The following CNTN1 variants were observed in gnomAD, a reference collection of about 807,000 sequenced individuals.
The protein encoded by CNTN1 is contactin-1.
In CNTN1, 38 loss-of-function variants were observed where a neutral mutation model predicts 126.4. That is an observed-to-expected ratio of 0.30 (90% confidence interval 0.23 to 0.39). CNTN1 has a LOEUF of 0.39. Ranked by LOEUF, CNTN1 falls within the 10% of genes least tolerant of loss-of-function variation. CNTN1 has a pLI of 1.00. For synonymous variants in CNTN1, 413 were observed against 422.6 expected, an observed-to-expected ratio of 0.98 and a Z score of 0.28; for missense variants, 1,009 against 1,248.4, an observed-to-expected ratio of 0.81 and a Z score of 2.89.
intron 1 of CNTN1, among the ~76,000 whole-genome samples, chr12:40,796,291 C>T (rs1940425670): frequency 6.6e-6 from 1 of 152,000 alleles, no homozygotes; most frequent in Non-Finnish European, 1.5e-5. Context: ...ATTTCAAAAC[C>T]TCCATTAACC....
intron 15 of CNTN1, among the ~76,000 whole-genome samples, chr12:40,977,790 T>TA (rs1947719752): frequency 6.6e-6 from 1 of 150,576 alleles, no homozygotes; most frequent in Non-Finnish European, 1.5e-5. Context: ...TGTTTTGTTT[T>TA]GTTTTGTTTT....
chr12:40,805,702 G>T (rs1213252521), intron 1 of CNTN1, among the ~76,000 whole-genome samples: 2 of 151,834 alleles, frequency 1.3e-5, no homozygotes, highest in African/African-American at 2.4e-5. Context: ...AAAATAGTTT[G>T]CTGTGTGTGT....
chr12:41,037,616 T>C (rs1263920988), intron 23 of CNTN1, among the ~76,000 whole-genome samples: 1 of 151,542 alleles, frequency 6.6e-6, no homozygotes, highest in Non-Finnish European at 1.5e-5. Context: ...TATATGAAGT[T>C]TAAAATTAGA....
chr12:40,962,736 T>C (rs1321520491), intron 15 of CNTN1, among the ~76,000 whole-genome samples: 2 of 152,146 alleles, frequency 1.3e-5, no homozygotes, highest in African/African-American at 4.8e-5. Context: ...GGTCCAAAGA[T>C]GCTTGAGGAA....
chr12:40,725,563 G>T (rs1942331986), intron 1 of CNTN1, among the ~76,000 whole-genome samples: 1 of 152,042 alleles, frequency 6.6e-6, no homozygotes, highest in Non-Finnish European at 1.5e-5. Flanking sequence ...GGACCTGGGA[G>T]CCATCCCTTT....
intron 1 of CNTN1, among the ~76,000 whole-genome samples, chr12:40,821,258 C>G (rs1050079725): frequency 4.6e-5 from 7 of 152,162 alleles, no homozygotes; most frequent in Admixed American, 3.9e-4. Context: ...TCCAGAGAGA[C>G]AGATTGGCAG....
intron 23 of CNTN1, among the ~76,000 whole-genome samples, chr12:41,039,555 TC>T (rs1415718123): frequency 1.3e-5 from 2 of 152,086 alleles, no homozygotes; most frequent in Non-Finnish European, 2.9e-5. Flanking sequence ...CAAGCTGAGT[TC>T]AATATGCTAG....
intron 14 of CNTN1, among the ~76,000 whole-genome samples, chr12:40,948,995 C>T (rs940741978): frequency 1.3e-5 from 2 of 152,120 alleles, no homozygotes; most frequent in Non-Finnish European, 2.9e-5. Context: ...TAAGCAATAC[C>T]ATTCAAGAGA....
intron 1 of CNTN1, among the ~76,000 whole-genome samples, chr12:40,707,227 CTTTTTTTTTTTTTTTTTTTTTTTT>C (rs370984371): frequency 1.8e-5 from 2 of 109,166 alleles, no homozygotes; most frequent in Admixed American, 9.8e-5. Flanking sequence ...TTTTCTTTTT[CTTTTTTTTTTTTTTTTTTTTTTTT>C]TTTTTTTTTT....
chr12:40,836,102 G>A (rs181736697), intron 1 of CNTN1, among the ~76,000 whole-genome samples: 82 of 145,874 alleles, frequency 5.6e-4, no homozygotes, highest in Admixed American at 4.4e-3. Context: ...ATATATATAC[G>A]TACATATACA....
intron 1 of CNTN1, among the ~76,000 whole-genome samples, chr12:40,771,439 ATGT>A (rs768811701): frequency 6.0e-4 from 92 of 152,120 alleles, no homozygotes; most frequent in South Asian, 1.7e-3. Context: ...TTCTTTTATA[ATGT>A]TGTTCTTGCA....
At chr12:41,052,734 A>G (rs552209767) in intron 23 of CNTN1, among the ~76,000 whole-genome samples, 9 of 152,228 alleles carry the variant, frequency 5.9e-5, no homozygotes, top group Non-Finnish European at 1.3e-4. Context: ...AGTTCTCTAG[A>G]TAAATACTGT....
At chr12:40,925,370 T>C (rs550215358) in intron 6 of CNTN1, among the ~76,000 whole-genome samples, 1 of 151,704 alleles carries the variant, frequency 6.6e-6, no homozygotes, top group Admixed American at 6.6e-5. Context: ...ATATTATGCC[T>C]TAAATTTGAC....
At chr12:40,835,432 A>G (rs566316825) in intron 1 of CNTN1, among the ~76,000 whole-genome samples, 3 of 152,292 alleles carry the variant, frequency 2.0e-5, no homozygotes, top group African/African-American at 4.8e-5. Context: ...AGATACTTCA[A>G]TTTGCCACAT....
chr12:41,035,761 G>GTCAAGGACC (rs1451228114), intron 23 of CNTN1, among the ~76,000 whole-genome samples: 1 of 152,120 alleles, frequency 6.6e-6, no homozygotes, highest in Non-Finnish European at 1.5e-5. Flanking sequence ...AGCTTGTCAT[G>GTCAAGGACC]TCAAGGACCT....
chr12:40,998,050 G>C (rs555854325), intron 17 of CNTN1, among the ~76,000 whole-genome samples: 66 of 151,992 alleles, frequency 4.3e-4, no homozygotes, highest in African/African-American at 1.6e-3. Context: ...TGGGGCTATT[G>C]GAAGTTAATT....
At chr12:40,887,258 T>C (rs1458831959) in intron 1 of CNTN1, among the ~76,000 whole-genome samples, 1 of 152,108 alleles carries the variant, frequency 6.6e-6, no homozygotes, top group East Asian at 1.9e-4. Context: ...CAGTGGTTTG[T>C]AGTTCTCCTT....
At chr12:40,955,010 C>T (rs1442289436) in intron 14 of CNTN1, among the ~76,000 whole-genome samples, 1 of 151,990 alleles carries the variant, frequency 6.6e-6, no homozygotes, top group Admixed American at 6.6e-5. Context: ...CCACATGAAT[C>T]GAAGACCCTA....
Position 40,933,487 on chromosome 12 carries a change from A to G in CNTN1, c.730A>G (p.Ile244Val), listed in dbSNP as rs149305190. 62 of 1,610,390 alleles carry G rather than the reference A, an allele frequency of 3.9e-5. No individual in the cohort carries two copies. The highest frequency in any genetic ancestry group is 5.1e-5 in the Non-Finnish European group (60 of 1,177,160). ...AACAACAAAACCATATCCTGCTGAT[A>G]TTGTAGTTCAGTTCAAGGATGTATA... ...ERTTKPYPAD[I>V]VVQFKDVYAL... Residue 244 changes from isoleucine (I) to valine (V), a missense_variant, in exon 8 of 24, where the codon ATT becomes GTT. Ile to Val is a conservative substitution (Grantham distance 29, BLOSUM62 3). Coordinates refer to ENST00000551295, the MANE Select transcript of CNTN1 (RefSeq NM_001843.4).
Sources: allele counts gnomAD v4.1 joint callset (sites outside exome capture counted in the v4.1 genomes callset), GRCh38; gene constraint gnomAD v4.1.1; transcripts MANE v1.5; gene names NCBI Gene and HGNC (gene_info 2026-07-23, HGNC 2026-07-21).